LZTS2: variants seen among roughly 807,000 people sequenced by gnomAD.
The protein encoded by LZTS2 is leucine zipper tumor suppressor 2.
In LZTS2, 32 loss-of-function variants were observed where a neutral mutation model predicts 60.6. That is an observed-to-expected ratio of 0.53 (90% CI 0.40 to 0.71). The LOEUF is 0.71. LZTS2 is among the 30% of genes least tolerant of loss of function. The pLI is 0.00. For synonymous variants in LZTS2, 360 were observed against 393.1 expected (o/e 0.92, Z 1.00); for missense variants, 792 against 901.9 (o/e 0.88, Z 1.56).
upstream of LZTS2, chr10:100,998,221 T>C (rs926245175): frequency 6.6e-6 from 1 of 152,254 alleles, no homozygotes; most frequent in Non-Finnish European, 1.5e-5. Context: ...AGTAGCCCGA[T>C]GCCTCCTCCT....
exon 1 of LZTS2, chr10:101,001,946 C>A (rs1852048418): frequency 6.6e-6 from 1 of 152,224 alleles, no homozygotes; most frequent in Admixed American, 6.5e-5. Context: ...CTTATTTAGC[C>A]AGATCGACAG....
chr10:100,999,137 G>C (rs750342325), upstream of LZTS2, among the ~76,000 whole-genome samples: 1 of 152,250 alleles, frequency 6.6e-6, no homozygotes, highest in African/African-American at 2.4e-5. Context: ...AAGTGATCCC[G>C]AGGGGAGGCT....
chr10:101,006,911 G>A, exon 4 of LZTS2: 4 of 1,531,164 alleles, frequency 2.6e-6, no homozygotes, highest in Non-Finnish European at 3.5e-6. Flanking sequence ...GCTGCAGCGG[G>A]AGCGGCGGCG....
intron 2 of LZTS2, 89 bp downstream of exon 3, chr10:101,004,255 CG>C: frequency 1.4e-6 from 2 of 1,438,100 alleles, no homozygotes; most frequent in Non-Finnish European, 1.9e-6. Context: ...TGGCAGGGAA[CG>C]GGGGTTGGGT....
Position 101,007,816 on chromosome 10 carries a change from A to AT in LZTS2, c.*648_*649insT, listed in dbSNP as rs1382568596. ...CAAACCCAAAGAAAAAATTAAAAAAAATTTTTTTGTTTAAAAATAATGTGA... is the reference window on the plus strand; with the variant it reads ...CAAACCCAAAGAAAAAATTAAAAAAATATTTTTTTGTTTAAAAATAATGTGA... On this transcript the variant is annotated 3_prime_UTR_variant, in exon 4 of 4. Transcript: ENST00000370220. The AT allele has an allele frequency of 3.9e-4, 116 of 295,968 alleles. 1 individual carries two copies. Among genetic ancestry groups the AT allele is most frequent in the African/African-American group, 2.6e-3 (111 of 41,940 alleles). 18.3% of individuals were successfully genotyped at this position (295,968 alleles called of 1,614,324 possible). A position where few individuals can be genotyped will look rare whatever the true frequency, so the allele number is the denominator to read the frequency against.
At chr10:101,002,501 C>T (rs1297220332) in exon 1 of LZTS2, 1 of 1,495,108 alleles carries the variant, frequency 6.7e-7, no homozygotes, top group Non-Finnish European at 8.9e-7. Flanking sequence ...TTACAGGTCG[C>T]CTGCGAGGCC....
chr10:101,006,608 A>G (rs769090752), exon 4 of LZTS2: 2 of 1,604,304 alleles, frequency 1.2e-6, no homozygotes, highest in East Asian at 2.2e-5. Flanking sequence ...GGCCCGTGCT[A>G]CGCTGCGGGT....
exon 4 of LZTS2, chr10:101,006,795 C>T (rs762238796): frequency 6.5e-7 from 1 of 1,547,400 alleles, no homozygotes; most frequent in South Asian, 1.2e-5. Context: ...CCACCTGCCA[C>T]CGCTGACCCA....
intron 2 of LZTS2, 55 bp downstream of exon 3, chr10:101,004,221 G>T: frequency 6.5e-7 from 1 of 1,528,174 alleles, no homozygotes. Context: ...CCAAGGCCCT[G>T]GGATGCAAGC....
chr10:100,998,338 A>AG (rs150320628), upstream of LZTS2: 1 of 153,042 alleles, frequency 6.5e-6, no homozygotes, highest in East Asian at 1.9e-4. Flanking sequence ...GGCAGGGATC[A>AG]GGGCAAGGCC....
exon 2 of LZTS2, chr10:101,003,616 C>T: frequency 6.2e-7 from 1 of 1,602,238 alleles, no homozygotes; most frequent in Non-Finnish European, 8.5e-7. Context: ...ACCGGGCTGT[C>T]TGGGAGCCAG....
exon 1 of LZTS2, chr10:101,001,479 CCCAGTG>C (rs1455592183): frequency 6.6e-6 from 1 of 152,290 alleles, no homozygotes; most frequent in East Asian, 1.9e-4. Context: ...CACTCCTACT[CCCAGTG>C]CAATTCTCTG....
exon 1 of LZTS2, chr10:100,999,771 G>A (rs750393243): frequency 6.6e-6 from 1 of 150,748 alleles, no homozygotes; most frequent in Non-Finnish European, 1.5e-5. Flanking sequence ...ACCGGGCGGG[G>A]GCTGGCCAGG....
At position 101,004,122 on chromosome 10, in the gene LZTS2, C is replaced by T; in HGVS notation, c.1024C>T (p.Gln342Ter). 1.2e-6 allele frequency: 2 copies of T among 1,612,606 alleles called. No individual in the cohort carries two copies. Among genetic ancestry groups the T allele is most frequent in the Non-Finnish European group, 1.7e-6 (2 of 1,179,656 alleles). Residue 342 changes from glutamine (Q) to a stop codon, truncating the protein, a stop_gained, in exon 2 of 4, where the codon CAG becomes TAG. Coordinates refer to ENST00000370220, the Ensembl canonical transcript of LZTS2. LOFTEE classifies it high-confidence loss of function. ...CCGAGACCGGGAGGCAGAGCTTCAGCAGCTGCGGGACAGTCTGGACGAGAA... is the reference window on the plus strand; with the variant it reads ...CCGAGACCGGGAGGCAGAGCTTCAGTAGCTGCGGGACAGTCTGGACGAGAA...
At chr10:101,005,780 C>T in intron 3 of LZTS2, 65 bp downstream of exon 4, 2 of 1,440,774 alleles carry the variant, frequency 1.4e-6, no homozygotes. Flanking sequence ...AAAAGGGGCC[C>T]AGCCCCACCC....
chr10:101,007,041 A>G lies in LZTS2; in HGVS notation c.1883A>G (p.Asn628Ser), dbSNP rs751278008. The change falls in exon 4 of 4, where the codon AAC becomes AGC. Residue 628 changes from asparagine to serine, a missense_variant. By Grantham distance (46) the Asn-to-Ser change is conservative. Transcript: ENST00000370220. ...AACTACATCCAGATGTACCGGCGCA[A>G]CCGGCAGCTAGAGCAGGAGCTGCAG... 20 of 1,595,796 alleles carry G rather than the reference A, an allele frequency of 1.3e-5. No individual in the cohort carries two copies. In the South Asian group the frequency reaches 2.3e-4, roughly 18 times the overall value.
exon 1 of LZTS2, chr10:101,002,661 G>T: frequency 1.2e-6 from 2 of 1,608,282 alleles, no homozygotes; most frequent in Middle Eastern, 3.3e-4. Flanking sequence ...GTCCCGGGGG[G>T]CCAGCTCCTC....
rs370523032 is a variant in LZTS2, at chr10:101,002,890, G to T, written c.352G>T (p.Ala118Ser). ...TGCCCGAGAGCAGCGGGCACACAAT[G>T]CCCACCTCCGCGGCCCACCACCAAA... Residue 118 changes from alanine (A) to serine (S), a missense_variant, in exon 1 of 4, where the codon GCC becomes TCC. By Grantham distance (99) the Ala-to-Ser change is moderately conservative. Transcript: ENST00000370220. 4.2e-5 allele frequency: 68 copies of T among 1,613,570 alleles called. No homozygotes were observed. The highest frequency in any genetic ancestry group is 5.6e-5 in the Non-Finnish European group (66 of 1,180,000).
chr10:100,996,674 G>A (rs1363152183), upstream of LZTS2: 1 of 152,452 alleles, frequency 6.6e-6, no homozygotes, highest in Non-Finnish European at 1.5e-5. Context: ...ACGCTGAGGT[G>A]TGTGCGTGGT....
Sources: allele counts gnomAD v4.1 joint callset (sites outside exome capture counted in the v4.1 genomes callset), GRCh38; gene constraint gnomAD v4.1.1; transcripts MANE v1.5; gene names NCBI Gene and HGNC (gene_info 2026-07-23, HGNC 2026-07-21).